ESR1: variants seen among roughly 807,000 people sequenced by gnomAD.
ESR1 encodes estrogen receptor 1.
Under a neutral mutation model 52.7 loss-of-function variants are expected in ESR1, and 12 were observed. That is an observed-to-expected ratio of 0.23 (90% CI 0.15 to 0.37). The LOEUF is 0.37. Among genes scored for constraint, ESR1 ranks in the 10% least tolerant of loss-of-function variants. The pLI, the probability that ESR1 is intolerant of heterozygous loss-of-function variation, is 1.00. For missense variants in ESR1, 584 were observed against 779.7 expected (o/e 0.75, Z 2.99); for synonymous variants, 305 against 316.8 (o/e 0.96, Z 0.39).
upstream of ESR1, among the ~76,000 whole-genome samples, chr6:151,688,441 G>C (rs984127085): frequency 5.9e-5 from 9 of 152,080 alleles, no homozygotes; most frequent in African/African-American, 2.2e-4. Context: ...AGTATCCCAC[G>C]GTTTCCTCAA....
intron 1 of ESR1, among the ~76,000 whole-genome samples, chr6:151,663,149 G>T (rs534685787): frequency 6.6e-6 from 1 of 152,260 alleles, no homozygotes; most frequent in East Asian, 1.9e-4. Flanking sequence ...TTATTTAATC[G>T]CATGTGATAA....
Position 151,920,632 on chromosome 6 carries a change from AC to A in ESR1, c.761-23537del, listed in dbSNP as rs529859391. Among the ~76,000 whole-genome samples, 23 of 151,946 alleles carry A rather than the reference AC, an allele frequency of 1.5e-4. 1 individual carries two copies. In the South Asian group the frequency reaches 4.6e-3, roughly 30 times the overall value. On this transcript the variant is annotated intron_variant, in intron 3 of 7. Coordinates refer to ENST00000206249, the MANE Select transcript of ESR1 (RefSeq NM_000125.4). Reference sequence around the variant, plus strand: ...TTCTGAGACTTTCATTGTTTTTGATACCCCAGGTAGTTTAGGCATTTTGTAG... The same window carrying A: ...TTCTGAGACTTTCATTGTTTTTGATACCCAGGTAGTTTAGGCATTTTGTAG...
chr6:151,713,144 T>C (rs1333100610), intron 2 of ESR1, among the ~76,000 whole-genome samples: 1 of 152,250 alleles, frequency 6.6e-6, no homozygotes, highest in African/African-American at 2.4e-5. Flanking sequence ...TTACATTTAC[T>C]GATTTGTGTA....
At chr6:152,037,807 G>A (rs1014322273) in intron 5 of ESR1, among the ~76,000 whole-genome samples, 1 of 152,124 alleles carries the variant, frequency 6.6e-6, no homozygotes, top group Non-Finnish European at 1.5e-5. Context: ...AGAGTGGCCG[G>A]AATCAAGACT....
At chr6:152,039,696 C>T (rs2045623613) in intron 5 of ESR1, among the ~76,000 whole-genome samples, 1 of 152,102 alleles carries the variant, frequency 6.6e-6, no homozygotes, top group South Asian at 2.1e-4. Context: ...GTACCAAATA[C>T]TGGACACTGA....
intron 2 of ESR1, among the ~76,000 whole-genome samples, chr6:151,876,545 C>T (rs1006226332): frequency 3.9e-5 from 6 of 152,160 alleles, no homozygotes; most frequent in Admixed American, 3.9e-4. Context: ...TGCAGACTTT[C>T]TGTGTAATGA....
chr6:151,901,546 C>G (rs1562529475), intron 3 of ESR1, among the ~76,000 whole-genome samples: 1 of 152,208 alleles, frequency 6.6e-6, no homozygotes, highest in Non-Finnish European at 1.5e-5. Flanking sequence ...GCCACCCTCC[C>G]CAAGGACCCC....
At chr6:151,900,335 C>T (rs1053991446) in intron 3 of ESR1, among the ~76,000 whole-genome samples, 3 of 152,042 alleles carry the variant, frequency 2.0e-5, no homozygotes, top group African/African-American at 7.3e-5. Context: ...GAAGATTTCT[C>T]CCCTCATTTC....
chr6:151,833,135 C>T (rs192570946), intron 1 of ESR1, among the ~76,000 whole-genome samples: 3 of 152,202 alleles, frequency 2.0e-5, no homozygotes, highest in Admixed American at 2.0e-4. Context: ...TGAGTGAAGG[C>T]TAGAGGTGTA....
chr6:151,677,890 G>T (rs138217748), intron 1 of ESR1, among the ~76,000 whole-genome samples: 14 of 152,206 alleles, frequency 9.2e-5, no homozygotes, highest in African/African-American at 3.4e-4. Flanking sequence ...GCTTCTCAGG[G>T]GTTATACTTC....
intron 2 of ESR1, among the ~76,000 whole-genome samples, chr6:151,771,503 T>A (rs1415193): frequency 0.37 from 56,081 of 152,114 alleles, 12,941 homozygotes; most frequent in Non-Finnish European, 0.51. Context: ...AGTTACACCT[T>A]TTGTTGCTAT....
chr6:151,976,544 C>A (rs2039455710), intron 4 of ESR1, among the ~76,000 whole-genome samples: 1 of 151,900 alleles, frequency 6.6e-6, no homozygotes, highest in Non-Finnish European at 1.5e-5. Flanking sequence ...AGTGAAGTAT[C>A]TCATCAGAAT....
chr6:151,674,146 G>C (rs926128866), intron 1 of ESR1, among the ~76,000 whole-genome samples: 1 of 152,044 alleles, frequency 6.6e-6, no homozygotes, highest in East Asian at 1.9e-4. Flanking sequence ...AGCCTTGCAT[G>C]CATTAGGTAT....
At chr6:151,693,675 T>C (rs1342137813) in intron 1 of ESR1, among the ~76,000 whole-genome samples, 1 of 152,200 alleles carries the variant, frequency 6.6e-6, no homozygotes, top group East Asian at 1.9e-4. Context: ...TGGAGTGCAG[T>C]GGTGCTTTCT....
At chr6:152,031,632 T>A (rs1404991619) in intron 5 of ESR1, among the ~76,000 whole-genome samples, 3 of 152,104 alleles carry the variant, frequency 2.0e-5, no homozygotes, top group Non-Finnish European at 4.4e-5. Context: ...GGCTCTGAAG[T>A]TGAGGCAATA....
intron 5 of ESR1, among the ~76,000 whole-genome samples, chr6:152,027,258 C>T (rs2044232490): frequency 6.6e-6 from 1 of 152,190 alleles, no homozygotes. Flanking sequence ...AGCCACCGCA[C>T]CCAGCCTCTC....
chr6:152,029,786 G>A (rs1436607068), intron 5 of ESR1, among the ~76,000 whole-genome samples: 1 of 152,160 alleles, frequency 6.6e-6, no homozygotes, highest in Non-Finnish European at 1.5e-5. Context: ...AGGAAATACA[G>A]AGAACACCAC....
intron 2 of ESR1, among the ~76,000 whole-genome samples, chr6:151,724,027 T>C (rs910448500): frequency 2.6e-5 from 4 of 151,936 alleles, no homozygotes; most frequent in African/African-American, 9.7e-5. Context: ...TTCTAGAAGG[T>C]AGAAGGCTTA....
intron 2 of ESR1, among the ~76,000 whole-genome samples, chr6:151,724,033 G>C (rs564002258): frequency 1.3e-5 from 2 of 152,112 alleles, no homozygotes; most frequent in Admixed American, 1.3e-4. Context: ...AAGGTAGAAG[G>C]CTTAGCAGAG....
Sources: allele counts gnomAD v4.1 joint callset (sites outside exome capture counted in the v4.1 genomes callset), GRCh38; gene constraint gnomAD v4.1.1; transcripts MANE v1.5; gene names NCBI Gene and HGNC (gene_info 2026-07-23, HGNC 2026-07-21).